CENPU: variants seen among roughly 807,000 people sequenced by gnomAD.
CENPU encodes the protein centromere protein U.
CENPU carries 46 observed loss-of-function variants against 56.7 expected under a neutral mutation model. The observed-to-expected ratio is 0.81, with a 90% CI of 0.64 to 1.04. CENPU has a LOEUF of 1.04. Ranked by LOEUF, CENPU falls within the 50% of genes least tolerant of loss-of-function variation. The pLI, the probability that CENPU is intolerant of heterozygous loss-of-function variation, is 0.00. For synonymous variants in CENPU, 166 were observed against 163.0 expected, an observed-to-expected ratio of 1.02 and a Z score of -0.14; for missense variants, 510 against 490.1, an observed-to-expected ratio of 1.04 and a Z score of -0.38.
chr4:184,726,482 C>A (rs1392265053), intron 3 of CENPU, among the ~76,000 whole-genome samples: 1 of 152,110 alleles, frequency 6.6e-6, no homozygotes, highest in Non-Finnish European at 1.5e-5. Context: ...CACACCCAAA[C>A]AAACACCCAG....
intron 4 of CENPU, among the ~76,000 whole-genome samples, chr4:184,724,373 G>C (rs950887067): frequency 2.0e-5 from 3 of 150,106 alleles, no homozygotes; most frequent in Non-Finnish European, 4.4e-5. Flanking sequence ...AGGTCCCTAA[G>C]TCAAAGAGCT....
intron 1 of CENPU, chr4:184,733,249 G>T: frequency 1.1e-6 from 1 of 923,058 alleles, no homozygotes; most frequent in Non-Finnish European, 1.3e-6. Flanking sequence ...CCACCCACCT[G>T]CGGTGTCCTG....
rs777929955 is a variant in CENPU, at chr4:184,695,247, G to A, written c.*41C>T. 3.1e-6 allele frequency: 4 copies of A among 1,288,938 alleles called. No homozygotes were observed. In the South Asian group the frequency reaches 4.7e-5, roughly 15 times the overall value. The allele number at this position is 1,288,938 out of a possible 1,614,324, so 79.8% of individuals were successfully genotyped here. A position where few individuals can be genotyped will look rare whatever the true frequency, so the allele number is the denominator to read the frequency against. ...ACAGTTTCAGAAGGTAACAGCATGA[G>A]ACTAGTCTTCCTATAGGCACATTTT... On this transcript the variant is annotated 3_prime_UTR_variant, in exon 13 of 13. Coordinates refer to ENST00000281453, the MANE Select transcript of CENPU (RefSeq NM_024629.4).
At position 184,695,086 on chromosome 4, in the gene CENPU, A is replaced by T. The variant is rs1216138404; in HGVS notation, c.*202T>A. 1 of 544,574 alleles carries T rather than the reference A, an allele frequency of 1.8e-6. No individual in the cohort carries two copies. Among genetic ancestry groups the T allele is most frequent in the African/African-American group, 1.9e-5 (1 of 53,090 alleles). The allele number at this position is 544,574 out of a possible 1,614,324, so 33.7% of individuals were successfully genotyped here. A position where few individuals can be genotyped will look rare whatever the true frequency, so the allele number is the denominator to read the frequency against. ...AAATTACTCAAGATATTAACCAGAA[A>T]AGATGATTATGGCCTTTAAAACTAT... On this transcript the variant is annotated 3_prime_UTR_variant, in exon 13 of 13. Transcript: ENST00000281453.
intron 8 of CENPU, among the ~76,000 whole-genome samples, chr4:184,703,698 T>C (rs1267971165): frequency 1.3e-5 from 2 of 152,244 alleles, no homozygotes; most frequent in Non-Finnish European, 2.9e-5. Context: ...CGGACTTGAA[T>C]ATCAATTGTA....
At position 184,713,032 on chromosome 4, in the gene CENPU, TTAAG is replaced by T; in HGVS notation, c.619-23_619-20del. On this transcript the variant is annotated intron_variant, in intron 6 of 12. Coordinates refer to ENST00000281453, the MANE Select transcript of CENPU (RefSeq NM_024629.4). The stretch of plus-strand genomic sequence containing the variant: ...GAGTTTTCTACAAAAAAAAAAAGCA[TTAAG>T]TTTTTAAGAAAAGTTTTCTTTCTCT... 3 of 1,423,758 alleles carry T rather than the reference TTAAG, an allele frequency of 2.1e-6. No individual in the cohort carries two copies. Among genetic ancestry groups the T allele is most frequent in the Non-Finnish European group, 2.9e-6 (3 of 1,035,902 alleles). 88.2% of individuals were successfully genotyped at this position (1,423,758 alleles called of 1,614,324 possible). A position where few individuals can be genotyped will look rare whatever the true frequency, so the allele number is the denominator to read the frequency against.
At chr4:184,703,067 G>A (rs1378446409) in intron 8 of CENPU, among the ~76,000 whole-genome samples, 4 of 151,858 alleles carry the variant, frequency 2.6e-5, no homozygotes, top group South Asian at 2.1e-4. Context: ...AGATGGCAAT[G>A]TTCAGCCTGA....
In CENPU at chr4:184,697,792, T is replaced by G; in HGVS notation, c.998A>C (p.Gln333Pro). Reference protein sequence around the residue: ...VQDELLRLEPQLKQLQTKYDE... With the variant: ...VQDELLRLEPPLKQLQTKYDE... ...ATATTTTGTTTGTAGTTGTTTCAGC[T>G]GTGGCTCTAACCTAAAACAAAAATA... The change falls in exon 12 of 13, where the codon CAG becomes CCG. Residue 333 changes from glutamine to proline, a missense_variant. Physicochemically the swap from Gln to Pro is moderately conservative, Grantham distance 76. Coordinates refer to ENST00000281453, the MANE Select transcript of CENPU (RefSeq NM_024629.4). The G allele has an allele frequency of 6.2e-7, 1 of 1,604,482 alleles. No homozygotes were observed. Among genetic ancestry groups the G allele is most frequent in the Non-Finnish European group, 8.5e-7 (1 of 1,177,744 alleles).
chr4:184,709,405 T>C (rs1043655691), intron 8 of CENPU, among the ~76,000 whole-genome samples: 1 of 151,636 alleles, frequency 6.6e-6, no homozygotes, highest in African/African-American at 2.4e-5. Flanking sequence ...GAGAATTGCT[T>C]GAACCCGGGA....
Position 184,694,848 on chromosome 4 carries a change from T to A in CENPU, c.*440A>T. Reference sequence around the variant, plus strand: ...TGATGTCTGTGAGATTTGATAAATATATCATTCAACCTGTTTATATAAACT... The same window carrying A: ...TGATGTCTGTGAGATTTGATAAATAAATCATTCAACCTGTTTATATAAACT... On this transcript the variant is annotated 3_prime_UTR_variant, in exon 13 of 13. Coordinates refer to ENST00000281453, the MANE Select transcript of CENPU (RefSeq NM_024629.4). 7.5e-7 allele frequency: 1 copy of A among 1,337,692 alleles called. No individual in the cohort carries two copies. Among genetic ancestry groups the A allele is most frequent in the Non-Finnish European group, 1.0e-6 (1 of 955,334 alleles). The allele number at this position is 1,337,692 out of a possible 1,614,324, so 82.9% of individuals were successfully genotyped here.
chr4:184,717,996 G>A (rs896070074), intron 4 of CENPU, among the ~76,000 whole-genome samples: 1 of 152,218 alleles, frequency 6.6e-6, no homozygotes, highest in Non-Finnish European at 1.5e-5. Context: ...TTTTCTAAGA[G>A]AAAATAACGA....
rs187957263 is a variant in CENPU, at chr4:184,724,069, C to G, written c.320+888G>C. Reference sequence around the variant, plus strand: ...CACGAGATCAGGAGATCGAGACCAGCCTGGGTAACATGGTGAAACCCCGTC... The same window carrying G: ...CACGAGATCAGGAGATCGAGACCAGGCTGGGTAACATGGTGAAACCCCGTC... On this transcript the variant is annotated intron_variant, in intron 4 of 12. Coordinates refer to ENST00000281453, the MANE Select transcript of CENPU (RefSeq NM_024629.4). Among the ~76,000 whole-genome samples, 1,504 of 151,896 alleles carry G rather than the reference C, an allele frequency of 9.9e-3. 24 individuals are homozygous for G. The highest frequency in any genetic ancestry group is 0.035 in the African/African-American group (1,440 of 41,424).
chr4:184,695,451 G>T (rs1760251429), intron 12 of CENPU, 50 bp from the exon 13 acceptor site: 1 of 1,301,754 alleles, frequency 7.7e-7, no homozygotes. Flanking sequence ...TCATAACCTT[G>T]TCCTTAGATA....
intron 4 of CENPU, among the ~76,000 whole-genome samples, chr4:184,721,420 T>G (rs1410544543): frequency 8.9e-6 from 1 of 112,888 alleles, no homozygotes; most frequent in Non-Finnish European, 1.7e-5. Flanking sequence ...GTAAATGGAC[T>G]AACTTCTCCA....
intron 7 of CENPU, among the ~76,000 whole-genome samples, chr4:184,712,224 T>A (rs1251197575): frequency 6.6e-6 from 1 of 151,230 alleles, no homozygotes; most frequent in African/African-American, 2.4e-5. Context: ...TGTAGTGTAA[T>A]CACACAATGG....
chr4:184,722,342 A>G (rs1333369491), intron 4 of CENPU, among the ~76,000 whole-genome samples: 1 of 152,208 alleles, frequency 6.6e-6, no homozygotes, highest in Non-Finnish European at 1.5e-5. Flanking sequence ...GAAAAGCAAG[A>G]ACAAACCAAA....
intron 8 of CENPU, among the ~76,000 whole-genome samples, chr4:184,704,444 C>T (rs574225013): frequency 2.6e-5 from 4 of 152,180 alleles, no homozygotes; most frequent in South Asian, 2.1e-4. Context: ...CATATAGCCG[C>T]GGCATGTACT....
At chr4:184,733,877 C>T in intron 1 of CENPU, 139 bp downstream of exon 1, 1 of 1,142,396 alleles carries the variant, frequency 8.8e-7, no homozygotes, top group Admixed American at 1.8e-5. Flanking sequence ...AGGAGGAAGC[C>T]GGGGACCCGG....
intron 11 of CENPU, chr4:184,699,448 G>T: frequency 5.1e-6 from 3 of 593,560 alleles, no homozygotes; most frequent in Non-Finnish European, 8.2e-6. Context: ...ATAGGACTGT[G>T]ATGATGATGA....
Sources: allele counts gnomAD v4.1 joint callset (sites outside exome capture counted in the v4.1 genomes callset), GRCh38; gene constraint gnomAD v4.1.1; transcripts MANE v1.5; gene names NCBI Gene and HGNC (gene_info 2026-07-23, HGNC 2026-07-21).